INO80: variants seen among roughly 807,000 people sequenced by gnomAD.
INO80 encodes the protein chromatin-remodeling ATPase INO80.
INO80 carries 20 observed loss-of-function variants against 203.4 expected under a neutral mutation model. The ratio of observed to expected loss-of-function variants is 0.10; its 90% CI spans 0.07 to 0.14. INO80 has a LOEUF of 0.14. INO80 is among the 10% of genes least tolerant of loss of function. The probability of loss-of-function intolerance (pLI) is 1.00; values close to 1 mark genes in which losing one functional copy is unlikely to be tolerated. For missense variants in INO80, 1,419 were observed against 1,914.4 expected (o/e 0.74, Z 4.83); for synonymous variants, 726 against 685.2 (o/e 1.06, Z -0.93).
intron 26 of INO80, among the ~76,000 whole-genome samples, chr15:41,020,152 C>T (rs563472854): frequency 6.6e-5 from 10 of 151,996 alleles, no homozygotes; most frequent in Middle Eastern, 3.4e-3. Context: ...ACCCAGGAGG[C>T]GGGGCTTGCA....
At chr15:41,050,701 T>C (rs2044854213) in intron 19 of INO80, among the ~76,000 whole-genome samples, 1 of 152,194 alleles carries the variant, frequency 6.6e-6, no homozygotes, top group African/African-American at 2.4e-5. Context: ...TATTTTGTGG[T>C]CTTCCTGCCT....
At chr15:41,078,374 A>C (rs2045436728) in intron 9 of INO80, among the ~76,000 whole-genome samples, 1 of 152,210 alleles carries the variant, frequency 6.6e-6, no homozygotes, top group Non-Finnish European at 1.5e-5. Context: ...GGTCTCAGAA[A>C]TCTAGAATAT....
At chr15:41,105,184 TAACA>T (rs913504446) in intron 1 of INO80, among the ~76,000 whole-genome samples, 3 of 152,222 alleles carry the variant, frequency 2.0e-5, no homozygotes, top group African/African-American at 7.2e-5. Context: ...CTATGTGGTC[TAACA>T]ATCAACAAGG....
At chr15:41,017,328 G>A (rs2044225952) in intron 26 of INO80, 1 of 152,182 alleles carries the variant, frequency 6.6e-6, no homozygotes, top group Admixed American at 6.5e-5. Context: ...CTGAACAATT[G>A]CTGTCATTAA....
At chr15:41,038,228 C>T (rs2044612521) in intron 24 of INO80, among the ~76,000 whole-genome samples, 1 of 151,600 alleles carries the variant, frequency 6.6e-6, no homozygotes, top group Non-Finnish European at 1.5e-5. Context: ...GTTTGCCAGG[C>T]TGGTCTCCTG....
chr15:40,996,361 C>T (rs1401262926), intron 29 of INO80, among the ~76,000 whole-genome samples: 2 of 152,144 alleles, frequency 1.3e-5, no homozygotes, highest in African/African-American at 2.4e-5. Flanking sequence ...CTCACTCTGT[C>T]GCCCAGAGTG....
intron 25 of INO80, among the ~76,000 whole-genome samples, chr15:41,026,023 T>A (rs921913300): frequency 6.6e-6 from 1 of 152,196 alleles, no homozygotes; most frequent in African/African-American, 2.4e-5. Context: ...ACTTTCTGGA[T>A]AGCCAGTATA....
rs1434114299 is a variant in INO80 at position 41,058,713 on chromosome 15, A to G, written c.1911T>C (p.Asp637=). 6.2e-7 allele frequency: 1 copy of G among 1,613,968 alleles called. No homozygotes were observed. Among genetic ancestry groups the G allele is most frequent in the East Asian group, 2.2e-5 (1 of 44,882 alleles). ...ACTTGACCCGCTGGAAATACTTTACATCCTGCACCACCAGCTGATAGCTGG... is the reference window on the plus strand; with the variant it reads ...ACTTGACCCGCTGGAAATACTTTACGTCCTGCACCACCAGCTGATAGCTGG... ...VITSYQLVVQ[D]VKYFQRVKWQ... is the part of the protein sequence containing the mutation. The change falls in exon 16 of 36, where the codon GAT becomes GAC. Residue 637 remains aspartate, a synonymous_variant. Coordinates refer to ENST00000648947, the MANE Select transcript of INO80 (RefSeq NM_017553.3).
intron 1 of INO80, among the ~76,000 whole-genome samples, chr15:41,115,130 A>T (rs1161677662): frequency 6.6e-6 from 1 of 152,190 alleles, no homozygotes; most frequent in Non-Finnish European, 1.5e-5. Flanking sequence ...TGGAAAAGTA[A>T]CCTGTGACGT....
intron 9 of INO80, among the ~76,000 whole-genome samples, chr15:41,076,152 G>C (rs1279198152): frequency 6.6e-6 from 1 of 152,080 alleles, no homozygotes; most frequent in Non-Finnish European, 1.5e-5. Flanking sequence ...CCTGAGGTCA[G>C]GAGTTCGAGA....
rs2044494465 is a variant in INO80 at position 41,032,065 on chromosome 15, CAGCACAGG to C, written c.2908-4337_2908-4330del. ...CAGCACAGCACAGCACAGCACAGGA[CAGCACAGG>C]ACAGCACAGCACAGCACAGCACAGC... On this transcript the variant is annotated intron_variant, in intron 24 of 35. Transcript: ENST00000648947. Among the ~76,000 whole-genome samples the C allele has an allele frequency of 5.4e-4, 45 of 83,002 alleles. 1 individual carries two copies. The highest frequency in any genetic ancestry group is 1.4e-3 in the African/African-American group (32 of 23,190). The allele number at this position is 83,002 out of a possible 152,430, so 54.5% of individuals were successfully genotyped here. A position where few individuals can be genotyped will look rare whatever the true frequency, so the allele number is the denominator to read the frequency against.
chr15:41,018,368 G>A (rs2044241579), intron 26 of INO80: 1 of 152,206 alleles, frequency 6.6e-6, no homozygotes. Flanking sequence ...TTGCTAATCA[G>A]AATGAACTGT....
In INO80 at chr15:40,984,245, A is replaced by G. The variant is rs369224738; in HGVS notation, c.4029T>C (p.Asp1343=). 6.2e-7 allele frequency: 1 copy of G among 1,613,954 alleles called. No individual in the cohort carries two copies. Among genetic ancestry groups the G allele is most frequent in the African/African-American group, 1.3e-5 (1 of 75,052 alleles). ...ADNSNLSADG[D]DSFISVDSAM... ...CTGAGTCCACGCTAATGAAGGAGTC[A>G]TCTCCGTCAGCAGAGAGGTTGGAGT... is the stretch of plus-strand genomic sequence containing the variant. The change falls in exon 33 of 36, where the codon GAT becomes GAC. Residue 1343 remains aspartate (D), a synonymous_variant. Coordinates refer to ENST00000648947, the MANE Select transcript of INO80 (RefSeq NM_017553.3).
At chr15:41,089,556 GA>G (rs1166624237) in intron 5 of INO80, among the ~76,000 whole-genome samples, 2 of 151,934 alleles carry the variant, frequency 1.3e-5, no homozygotes, top group Non-Finnish European at 2.9e-5. Flanking sequence ...CAAGCCTGAC[GA>G]ACATTGAAAA....
intron 19 of INO80, among the ~76,000 whole-genome samples, chr15:41,051,883 G>A (rs1021769864): frequency 2.0e-5 from 3 of 152,002 alleles, no homozygotes; most frequent in Admixed American, 1.3e-4. Flanking sequence ...GCTTGAATCC[G>A]GCAGGCGGAG....
At chr15:41,086,864 A>G (rs2045571898) in intron 6 of INO80, among the ~76,000 whole-genome samples, 1 of 152,176 alleles carries the variant, frequency 6.6e-6, no homozygotes, top group East Asian at 1.9e-4. Flanking sequence ...AGCAACAATG[A>G]TAACTTATTC....
intron 25 of INO80, 129 bp from the exon 26 acceptor site, chr15:41,021,254 C>G (rs774377442): frequency 3.3e-5 from 21 of 642,780 alleles, no homozygotes; most frequent in Admixed American, 1.1e-4. Flanking sequence ...AATATCTGTT[C>G]TGGCACACTA....
intron 11 of INO80, 110 bp downstream of exon 11, chr15:41,073,318 T>A (rs762074621): frequency 1.5e-4 from 135 of 922,526 alleles, no homozygotes; most frequent in Non-Finnish European, 2.2e-4. Flanking sequence ...CAAGCTAGTC[T>A]ATGCTTTTAA....
At chr15:41,047,930 C>T (rs767552152) in intron 22 of INO80, among the ~76,000 whole-genome samples, 3 of 152,080 alleles carry the variant, frequency 2.0e-5, no homozygotes, top group African/African-American at 4.8e-5. Flanking sequence ...AGTCCAGCAC[C>T]GACTTTGTCA....
Sources: gnomAD v4.1 joint callset for allele counts (sites outside exome capture counted in the v4.1 genomes callset) on GRCh38, gnomAD v4.1.1 for gene constraint, MANE v1.5 for transcripts, NCBI Gene and HGNC (gene_info 2026-07-23, HGNC 2026-07-21) for gene names.